PDIA5: variants seen among roughly 807,000 people sequenced by gnomAD.
PDIA5 encodes protein disulfide-isomerase A5.
A neutral mutation model predicts 77.6 loss-of-function variants in PDIA5; 58 were observed. The observed-to-expected ratio is 0.75, with a 90% confidence interval of 0.61 to 0.93. The LOEUF is 0.93. PDIA5 is among the 40% of genes least tolerant of loss of function. The pLI, the probability that PDIA5 is intolerant of heterozygous loss-of-function variation, is 0.00. For synonymous variants in PDIA5, 250 were observed against 252.1 expected (o/e 0.99, Z 0.08); for missense variants, 630 against 647.7 (o/e 0.97, Z 0.30).
chr3:123,155,405 C>T (rs950083550), intron 15 of PDIA5, among the ~76,000 whole-genome samples: 1 of 152,170 alleles, frequency 6.6e-6, no homozygotes, highest in African/African-American at 2.4e-5. Context: ...CTGGAGGATG[C>T]CATGGTGGAG....
chr3:123,130,547 C>T lies in PDIA5; in HGVS notation c.841C>T (p.Leu281=), dbSNP rs754583311. 3 of 1,614,158 alleles carry T rather than the reference C, an allele frequency of 1.9e-6. No individual in the cohort carries two copies. The highest frequency in any genetic ancestry group is 2.7e-5 in the African/African-American group (2 of 75,048). Residue 281 remains leucine (L), a synonymous_variant, in exon 11 of 17, where the codon CTG becomes TTG. Transcript: ENST00000316218. The stretch of plus-strand genomic sequence containing the variant: ...AGATGAGGGCGGCTCCGTTTATCAC[C>T]TGACCGATGAAGACTTTGACCAGTT... ...WADEGGSVYH[L]TDEDFDQFVK...
At chr3:123,119,031 A>G (rs1280842580) in intron 8 of PDIA5, among the ~76,000 whole-genome samples, 2 of 152,188 alleles carry the variant, frequency 1.3e-5, no homozygotes, top group African/African-American at 4.8e-5. Flanking sequence ...TGGGAGGATC[A>G]CTTGAGGCCA....
At chr3:123,123,844 G>A (rs1407635888) in intron 8 of PDIA5, among the ~76,000 whole-genome samples, 3 of 152,186 alleles carry the variant, frequency 2.0e-5, no homozygotes, top group African/African-American at 7.2e-5. Flanking sequence ...GCAGGCGTGC[G>A]GAGTGCAGCA....
intron 11 of PDIA5, 25 bp from the exon 12 acceptor site, chr3:123,145,497 G>A (rs1935745110): frequency 6.2e-7 from 1 of 1,604,934 alleles, no homozygotes; most frequent in Non-Finnish European, 8.5e-7. Flanking sequence ...CCATAAGAAT[G>A]GTTTCTCTTG....
chr3:123,142,774 C>G (rs567762828), intron 11 of PDIA5, among the ~76,000 whole-genome samples: 1 of 152,304 alleles, frequency 6.6e-6, no homozygotes, highest in South Asian at 2.1e-4. Flanking sequence ...GGGCTATGTG[C>G]CTTGCTCAGC....
At chr3:123,120,902 C>T (rs1222444096) in intron 8 of PDIA5, among the ~76,000 whole-genome samples, 1 of 152,150 alleles carries the variant, frequency 6.6e-6, no homozygotes, top group Non-Finnish European at 1.5e-5. Flanking sequence ...GCTATGCTAG[C>T]TGGTGGCCAA....
At chr3:123,111,728 A>G (rs558844460) in intron 7 of PDIA5, among the ~76,000 whole-genome samples, 1 of 152,384 alleles carries the variant, frequency 6.6e-6, no homozygotes, top group South Asian at 2.1e-4. Context: ...TCACAGAATT[A>G]AAAATGTTTT....
At chr3:123,069,100 GGGTA>G (rs1560487185) in intron 1 of PDIA5, among the ~76,000 whole-genome samples, 1 of 152,230 alleles carries the variant, frequency 6.6e-6, no homozygotes, top group East Asian at 1.9e-4. Context: ...TTGGCTTAGC[GGGTA>G]GGAGGTGGAG....
At chr3:123,096,687 C>T (rs11706199) in intron 3 of PDIA5, among the ~76,000 whole-genome samples, 5,456 of 152,262 alleles carry the variant, frequency 0.036, 126 homozygotes, top group African/African-American at 0.069. Context: ...GTCTGTAGGG[C>T]ATCTGACTTC....
chr3:123,099,631 C>T (rs559530541), intron 3 of PDIA5, among the ~76,000 whole-genome samples: 4 of 152,332 alleles, frequency 2.6e-5, no homozygotes, highest in African/African-American at 4.8e-5. Context: ...TTGGAGGCCA[C>T]GCTGAAGAAC....
intron 11 of PDIA5, among the ~76,000 whole-genome samples, chr3:123,143,160 G>A (rs1489018439): frequency 3.5e-5 from 3 of 86,590 alleles, no homozygotes; most frequent in African/African-American, 2.1e-4. Flanking sequence ...GCCAAGGTGG[G>A]TGGATCACAG....
chr3:123,098,636 G>A (rs1044136467), intron 3 of PDIA5, among the ~76,000 whole-genome samples: 6 of 152,116 alleles, frequency 3.9e-5, no homozygotes, highest in Admixed American at 6.5e-5. Flanking sequence ...CTCCATGGAA[G>A]AGAGCCAAGT....
chr3:123,120,595 A>G (rs1027406555), intron 8 of PDIA5, among the ~76,000 whole-genome samples: 1 of 152,220 alleles, frequency 6.6e-6, no homozygotes, highest in Non-Finnish European at 1.5e-5. Flanking sequence ...ATCTCTGTCC[A>G]TAGCTTCAAC....
intron 11 of PDIA5, 64 bp from the exon 12 acceptor site, chr3:123,145,458 C>A (rs541031770): frequency 7.9e-7 from 1 of 1,260,722 alleles, no homozygotes; most frequent in Non-Finnish European, 1.2e-6. Context: ...ACAGAGGCGG[C>A]GCAGGGGAGC....
chr3:123,161,904 C>T lies in PDIA5; in HGVS notation c.1504C>T (p.Arg502Ter), dbSNP rs141226358. Residue 502 changes from arginine (R) to a stop codon, truncating the protein, a stop_gained, in exon 17 of 17, where the codon CGA (arginine) becomes TGA (stop). Coordinates refer to ENST00000316218, the MANE Select transcript of PDIA5 (RefSeq NM_006810.4). LOFTEE classifies it high-confidence loss of function. ...GGAATTGGGATTTACCAATTATATT[C>T]GAGCCCTCCGGGAGGGAGACCATGA... Reference protein sequence around the residue: ...RTELGFTNYIRALREGDHERL... With the variant: ...RTELGFTNYI 1.7e-5 allele frequency: 27 copies of T among 1,601,042 alleles called. No individual in the cohort carries two copies. The Admixed American group carries it at 2.7e-4, about 16-fold the overall frequency.
intron 7 of PDIA5, among the ~76,000 whole-genome samples, chr3:123,111,741 A>G (rs905254173): frequency 1.3e-5 from 2 of 152,264 alleles, no homozygotes; most frequent in Non-Finnish European, 2.9e-5. Flanking sequence ...AATGTTTTAT[A>G]TTGCAACCAG....
At position 123,091,673 on chromosome 3, in the gene PDIA5, G is replaced by C. The variant is rs558379269; in HGVS notation, c.170-682G>C. 4.6e-5 allele frequency among the ~76,000 whole-genome samples: 7 copies of C among 152,282 alleles called. No homozygotes were observed. The East Asian group carries it at 1.4e-3, about 29-fold the overall frequency. ...TGTGATCACTCCATCCTGTCCCAAG[G>C]CATGGTCCACATTCCTGCAATTGAC... On this transcript the variant is annotated intron_variant, in intron 2 of 16. Transcript: ENST00000316218.
In PDIA5 at chr3:123,117,622, T is replaced by C. The variant is rs566126450; in HGVS notation, c.609+1324T>C. On this transcript the variant is annotated intron_variant, in intron 8 of 16. Coordinates refer to ENST00000316218, the MANE Select transcript of PDIA5 (RefSeq NM_006810.4). ...GCTTATTTTGCTTAGCATTATATCC[T>C]CAAGTTTCATCCATGTAGCATGTCA... is the stretch of plus-strand genomic sequence containing the variant. Among the ~76,000 whole-genome samples the C allele has an allele frequency of 7.2e-5, 11 of 151,998 alleles. No individual in the cohort carries two copies. The South Asian group carries it at 1.5e-3, about 20-fold the overall frequency.
chr3:123,117,043 A>T (rs836842), intron 8 of PDIA5, among the ~76,000 whole-genome samples: 36,705 of 149,536 alleles, frequency 0.25, 5,304 homozygotes, highest in African/African-American at 0.4. Flanking sequence ...GGGAGGGGGG[A>T]TGGACCTCAC....
Sources: gnomAD v4.1 joint callset for allele counts (sites outside exome capture counted in the v4.1 genomes callset) on GRCh38, gnomAD v4.1.1 for gene constraint, MANE v1.5 for transcripts, NCBI Gene and HGNC (gene_info 2026-07-23, HGNC 2026-07-21) for gene names.